Variants in OPCML observed in about 807,000 individuals in gnomAD.
OPCML encodes the protein opioid binding protein/cell adhesion molecule like.
In OPCML, 13 loss-of-function variants were observed where a neutral mutation model predicts 37.8. That is an observed-to-expected ratio of 0.34 (90% CI 0.22 to 0.55). The LOEUF (loss-of-function observed/expected upper bound fraction) is 0.55. OPCML is among the 20% of genes least tolerant of loss of function. The pLI is 0.91. For missense variants in OPCML, 341 were observed against 435.6 expected, an observed-to-expected ratio of 0.78 and a Z score of 1.93; for synonymous variants, 176 against 168.8, an observed-to-expected ratio of 1.04 and a Z score of -0.33.
chr11:133,195,647 T>G (rs144236860), intron 1 of OPCML, among the ~76,000 whole-genome samples: 28 of 152,352 alleles, frequency 1.8e-4, no homozygotes, highest in Non-Finnish European at 3.5e-4. Context: ...GATTAAAAGT[T>G]ATCATGGAAG....
At chr11:133,008,417 T>G (rs1947153465) in intron 1 of OPCML, 1 of 985,218 alleles carries the variant, frequency 1.0e-6, no homozygotes, top group African/African-American at 1.7e-5. Flanking sequence ...GGAGGTCCTT[T>G]TCTGATTTTT....
chr11:133,116,993 C>T (rs930793005), intron 1 of OPCML, among the ~76,000 whole-genome samples: 6 of 151,878 alleles, frequency 4.0e-5, no homozygotes, highest in Admixed American at 6.6e-5. Context: ...CCTTTTATTC[C>T]ATGTAGTCAT....
At chr11:133,292,146 G>C (rs1942496346) in intron 1 of OPCML, among the ~76,000 whole-genome samples, 1 of 152,064 alleles carries the variant, frequency 6.6e-6, no homozygotes, top group Non-Finnish European at 1.5e-5. Flanking sequence ...GACACATAAG[G>C]GCCCTTTCCA....
Position 132,943,434 on chromosome 11 carries a change from C to A in OPCML, c.62-424G>T. On this transcript the variant is annotated intron_variant, in intron 1 of 7. Transcript: ENST00000524381. This position sits in a 1 kb window ranked among gnomAD's most constrained non-coding sequence, Gnocchi z 4.3. ...CAGATTGCGCTTTCTCTGCCTCTCT[C>A]TTCGAGACGCTACTTTAAGATTCAG... 2.8e-6 allele frequency: 1 copy of A among 352,364 alleles called. No individual in the cohort carries two copies. The highest frequency in any genetic ancestry group is 5.3e-6 in the Non-Finnish European group (1 of 187,712). The allele number at this position is 352,364 out of a possible 1,614,324, so 21.8% of individuals were successfully genotyped here.
chr11:132,950,813 T>C (rs1351867538), intron 1 of OPCML, among the ~76,000 whole-genome samples: 2 of 152,190 alleles, frequency 1.3e-5, no homozygotes, highest in Non-Finnish European at 2.9e-5. Context: ...TCTCTTAATA[T>C]ATCTCCTCTA....
chr11:132,543,280 T>C (rs1018777153), intron 3 of OPCML, among the ~76,000 whole-genome samples: 4 of 152,084 alleles, frequency 2.6e-5, no homozygotes, highest in African/African-American at 9.7e-5. Flanking sequence ...CAGAGGCTAA[T>C]GTGGAAGGAT....
intron 1 of OPCML, among the ~76,000 whole-genome samples, chr11:132,946,600 G>A (rs1359012202): frequency 1.3e-5 from 2 of 152,138 alleles, no homozygotes; most frequent in African/African-American, 2.4e-5. Context: ...CATATATGCG[G>A]CCTGTCATTG....
At chr11:133,321,336 T>C (rs781268550) in intron 1 of OPCML, among the ~76,000 whole-genome samples, 1 of 152,158 alleles carries the variant, frequency 6.6e-6, no homozygotes, top group Non-Finnish European at 1.5e-5. Flanking sequence ...CTTCAAAGGT[T>C]TCATTTCCAC....
intron 2 of OPCML, among the ~76,000 whole-genome samples, chr11:132,942,526 C>T (rs1945612738): frequency 6.6e-6 from 1 of 152,122 alleles, no homozygotes; most frequent in Non-Finnish European, 1.5e-5. Context: ...CCTGGTGGTC[C>T]TGAGGACGAT....
At chr11:132,521,709 G>T (rs1319441105) in intron 4 of OPCML, among the ~76,000 whole-genome samples, 1 of 151,954 alleles carries the variant, frequency 6.6e-6, no homozygotes, top group Non-Finnish European at 1.5e-5. Flanking sequence ...AACCACCATG[G>T]CACAAGTATA....
rs554756733 is a variant in OPCML at position 132,720,457 on chromosome 11, T to C, written c.147-63138A>G. Among the ~76,000 whole-genome samples, 18 of 152,350 alleles carry C rather than the reference T, an allele frequency of 1.2e-4. 1 individual carries two copies. The South Asian group carries it at 3.7e-3, about 32-fold the overall frequency. On this transcript the variant is annotated intron_variant, in intron 2 of 7. Coordinates refer to ENST00000524381, the MANE Select transcript of OPCML (RefSeq NM_001012393.5). The stretch of plus-strand genomic sequence containing the variant: ...AACTCATTTCTCCAAACATTCTTTT[T>C]AAAGTCTCTGGAAGAAGCTACTTGC...
At chr11:132,430,369 G>T (rs533122779) in intron 7 of OPCML, among the ~76,000 whole-genome samples, 1 of 152,298 alleles carries the variant, frequency 6.6e-6, no homozygotes, top group South Asian at 2.1e-4. Context: ...ATGAGAAGGA[G>T]GTCAGCAAAG....
intron 3 of OPCML, among the ~76,000 whole-genome samples, chr11:132,632,861 A>T (rs1940239846): frequency 6.6e-6 from 1 of 151,940 alleles, no homozygotes; most frequent in Admixed American, 6.6e-5. Context: ...GAGGAGTTTC[A>T]TCATCAGAGA....
chr11:132,875,310 T>C (rs1942966794), intron 2 of OPCML, among the ~76,000 whole-genome samples: 1 of 152,138 alleles, frequency 6.6e-6, no homozygotes, highest in Non-Finnish European at 1.5e-5. Flanking sequence ...GCCATAGTTT[T>C]CTCTTCTGCA....
chr11:133,349,552 C>G (rs577435672), intron 1 of OPCML, among the ~76,000 whole-genome samples: 1 of 152,084 alleles, frequency 6.6e-6, no homozygotes, highest in Non-Finnish European at 1.5e-5. Flanking sequence ...GAGTGGGATC[C>G]GAGAAACAAT....
intron 1 of OPCML, among the ~76,000 whole-genome samples, chr11:133,029,805 G>A (rs1947632100): frequency 6.6e-6 from 1 of 151,970 alleles, no homozygotes; most frequent in Non-Finnish European, 1.5e-5. Context: ...CCAAACCTCA[G>A]CATCACGCTA....
chr11:133,083,254 G>C (rs1037204826), intron 1 of OPCML, among the ~76,000 whole-genome samples: 1 of 152,108 alleles, frequency 6.6e-6, no homozygotes, highest in Non-Finnish European at 1.5e-5. Context: ...CGGGAGCCGC[G>C]GGCTTTGCCT....
At chr11:133,071,267 C>T (rs373249880) in intron 1 of OPCML, among the ~76,000 whole-genome samples, 6 of 152,084 alleles carry the variant, frequency 3.9e-5, no homozygotes, top group Admixed American at 6.6e-5. Context: ...AAATGACATC[C>T]GTGTCTGTGT....
At chr11:132,695,153 A>G (rs1285750403) in intron 2 of OPCML, among the ~76,000 whole-genome samples, 3 of 152,094 alleles carry the variant, frequency 2.0e-5, no homozygotes, top group Non-Finnish European at 2.9e-5. Flanking sequence ...AATTAATTAA[A>G]AGGATATGTG....
Sources: gnomAD v4.1 joint callset for allele counts (sites outside exome capture counted in the v4.1 genomes callset) on GRCh38, gnomAD v4.1.1 for gene constraint, Gnocchi (gnomAD v3.1) non-coding constraint, MANE v1.5 for transcripts, NCBI Gene and HGNC (gene_info 2026-07-23, HGNC 2026-07-21) for gene names.